Variants in HSPA4L observed in about 807,000 individuals in gnomAD.
HSPA4L encodes heat shock protein family A (Hsp70) member 4 like.
Under a neutral mutation model 100.3 loss-of-function variants are expected in HSPA4L, and 48 were observed. The observed-to-expected ratio is 0.48, with a 90% CI of 0.38 to 0.61. The LOEUF is 0.61. HSPA4L is among the 20% of genes least tolerant of loss of function. The pLI is 0.00. For missense variants in HSPA4L, 886 were observed against 988.6 expected (o/e 0.90, Z 1.39); for synonymous variants, 319 against 328.2 (o/e 0.97, Z 0.30).
intron 1 of HSPA4L, among the ~76,000 whole-genome samples, chr4:127,792,307 G>GT (rs538980789): frequency 4.1e-4 from 63 of 152,142 alleles, no homozygotes; most frequent in African/African-American, 1.4e-3. Context: ...TATTCTTTTT[G>GT]TTTTCTCCCT....
intron 18 of HSPA4L, among the ~76,000 whole-genome samples, chr4:127,831,700 G>A (rs923803429): frequency 2.0e-5 from 3 of 151,860 alleles, no homozygotes; most frequent in South Asian, 2.1e-4. Context: ...GTACAAATAC[G>A]TGTGCTCATA....
chr4:127,801,941 A>G (rs187423619), intron 6 of HSPA4L, 23 bp downstream of exon 6: 4 of 1,566,342 alleles, frequency 2.6e-6, no homozygotes, highest in Non-Finnish European at 3.5e-6. Flanking sequence ...ATGGTTTGTT[A>G]TATTTACATA....
At chr4:127,829,786 A>T (rs72616955) in intron 17 of HSPA4L, among the ~76,000 whole-genome samples, 4,527 of 150,618 alleles carry the variant, frequency 0.03, 281 homozygotes, top group East Asian at 0.26. Context: ...TTTTTTTTTT[A>T]AAGCATATGG....
At position 127,838,893 on chromosome 4, in the gene HSPA4L, C is replaced by T. The variant is rs1734297570; in HGVS notation, c.*6019C>T. 6.6e-6 allele frequency: 1 copy of T among 151,952 alleles called. No homozygotes were observed. The highest frequency in any genetic ancestry group is 6.6e-5 in the Admixed American group (1 of 15,260). The allele number at this position is 151,952 out of a possible 1,614,324, so 9.4% of individuals were successfully genotyped here. A position where few individuals can be genotyped will look rare whatever the true frequency, so the allele number is the denominator to read the frequency against. On this transcript the variant is annotated 3_prime_UTR_variant, in exon 19 of 19. Transcript: ENST00000296464. ...TTTTGTTTCCTTTTTAATATTTATT[C>T]TTCCCGTTAAGGGTTTTTTGGCTAT...
At chr4:127,783,692 T>A in intron 1 of HSPA4L, 15 of 1,534,996 alleles carry the variant, frequency 9.8e-6, no homozygotes, top group Non-Finnish European at 1.3e-5. Context: ...TAATTTGGCA[T>A]CTTAATTTGA....
intron 18 of HSPA4L, 68 bp downstream of exon 18, chr4:127,830,867 T>G (rs1316627185): frequency 2.1e-6 from 2 of 963,894 alleles, no homozygotes; most frequent in Middle Eastern, 5.5e-4. Flanking sequence ...GAGTCATACT[T>G]TGGCAAATAA....
At chr4:127,819,185 C>T (rs541060721) in intron 13 of HSPA4L, among the ~76,000 whole-genome samples, 4 of 152,042 alleles carry the variant, frequency 2.6e-5, no homozygotes, top group Admixed American at 2.6e-4. Context: ...TTAATACTTT[C>T]AAAAATAAAA....
chr4:127,798,789 C>A, intron 4 of HSPA4L, 80 bp downstream of exon 4: 1 of 1,352,446 alleles, frequency 7.4e-7, no homozygotes, highest in South Asian at 1.4e-5. Context: ...TTTTTCTTCC[C>A]TTACACTTTC....
At position 127,820,163 on chromosome 4, in the gene HSPA4L, T is replaced by C. The variant is rs566631693; in HGVS notation, c.1675-265T>C. Among the ~76,000 whole-genome samples the C allele has an allele frequency of 3.9e-5, 6 of 152,214 alleles. No homozygotes were observed. In the East Asian group the frequency reaches 9.6e-4, roughly 24 times the overall value. ...TCCCCACATCCTCAACTAACACTTA[T>C]TATTTTATATTTTTTAATTGTAGCC... On this transcript the variant is annotated intron_variant, in intron 13 of 18. Coordinates refer to ENST00000296464, the MANE Select transcript of HSPA4L (RefSeq NM_014278.4).
In HSPA4L at chr4:127,782,604, G is replaced by A. The variant is rs758487994; in HGVS notation, c.54G>A (p.Ala18=). 2.5e-6 allele frequency: 4 copies of A among 1,613,890 alleles called. No individual in the cohort carries two copies. Residue 18 remains alanine, a synonymous_variant, in exon 1 of 19, where the codon GCG becomes GCA. Transcript: ENST00000296464. ...TTCTCAACTGCTACATTGCTGTCGC[G>A]AGAAGTGGCGGCATCGAGACCATCG... The part of the protein sequence containing the change: ...LGFLNCYIAV[A]RSGGIETIAN...
chr4:127,814,417 A>AT (rs1004286695), intron 12 of HSPA4L, among the ~76,000 whole-genome samples: 119 of 151,148 alleles, frequency 7.9e-4, no homozygotes, highest in Admixed American at 2.6e-3. Flanking sequence ...TTTTTTTTTA[A>AT]TTTTTTTTTG....
chr4:127,784,308 A>G (rs941783124), intron 1 of HSPA4L, among the ~76,000 whole-genome samples: 1 of 152,248 alleles, frequency 6.6e-6, no homozygotes, highest in Admixed American at 6.5e-5. Context: ...AGAAAGATCG[A>G]TCTGCATTTC....
At chr4:127,786,776 TTTAAG>T (rs1200355697) in intron 1 of HSPA4L, among the ~76,000 whole-genome samples, 1 of 152,226 alleles carries the variant, frequency 6.6e-6, no homozygotes, top group Non-Finnish European at 1.5e-5. Flanking sequence ...CAGTAATTCT[TTTAAG>T]TTATGTTAAG....
intron 4 of HSPA4L, among the ~76,000 whole-genome samples, chr4:127,800,457 G>A (rs1733144714): frequency 6.6e-6 from 1 of 152,044 alleles, no homozygotes; most frequent in South Asian, 2.1e-4. Context: ...GGCAGAGCTA[G>A]ACACAGTCTC....
intron 1 of HSPA4L, among the ~76,000 whole-genome samples, chr4:127,787,049 ATTCT>A (rs1300149957): frequency 6.6e-6 from 1 of 152,218 alleles, no homozygotes; most frequent in African/African-American, 2.4e-5. Flanking sequence ...TATCATCAAA[ATTCT>A]TTATGATTCT....
Position 127,782,440 on chromosome 4 carries a change from C to G in HSPA4L, c.-111C>G, listed in dbSNP as rs772891553. 8 of 849,194 alleles carry G rather than the reference C, an allele frequency of 9.4e-6. No homozygotes were observed. The highest frequency in any genetic ancestry group is 3.4e-5 in the African/African-American group (2 of 59,622). 52.6% of individuals were successfully genotyped at this position (849,194 alleles called of 1,614,324 possible). On this transcript the variant is annotated 5_prime_UTR_variant, in exon 1 of 19. Transcript: ENST00000296464. Reference sequence around the variant, plus strand: ...TTTCTGCTTAGCGACTTGGGGTCCCCTCTCGTTTGCTTCTGGTAGGAGTCG... The same window carrying G: ...TTTCTGCTTAGCGACTTGGGGTCCCGTCTCGTTTGCTTCTGGTAGGAGTCG...
rs1036014684 is a variant in HSPA4L at position 127,823,680 on chromosome 4, G to C, written c.2046+56G>C. The C allele has an allele frequency of 1.0e-5, 10 of 987,268 alleles. No homozygotes were observed. The Admixed American group carries it at 1.6e-4, about 16-fold the overall frequency. 61.2% of individuals were successfully genotyped at this position (987,268 alleles called of 1,614,324 possible). ...AACCAGTAACTTTTTCTAAAAATTA[G>C]GGTGTAAGAGCACAGTTTATGTTCT... On this transcript the variant is annotated intron_variant, in intron 16 of 18. Transcript: ENST00000296464.
chr4:127,811,688 T>C (rs749345065), intron 12 of HSPA4L, 52 bp downstream of exon 12: 2 of 1,317,504 alleles, frequency 1.5e-6, no homozygotes, highest in South Asian at 2.6e-5. Flanking sequence ...GTATACAGTA[T>C]ATCTTAATCA....
chr4:127,802,313 C>T (rs990428617), intron 6 of HSPA4L, among the ~76,000 whole-genome samples: 12 of 152,222 alleles, frequency 7.9e-5, no homozygotes, highest in Non-Finnish European at 1.3e-4. Flanking sequence ...TCTATCCAAG[C>T]GTTCTAATCG....
Sources: gnomAD v4.1 joint callset for allele counts (sites outside exome capture counted in the v4.1 genomes callset) on GRCh38, gnomAD v4.1.1 for gene constraint, MANE v1.5 for transcripts, NCBI Gene and HGNC (gene_info 2026-07-23, HGNC 2026-07-21) for gene names.